FER1L6: variants seen among roughly 807,000 people sequenced by gnomAD.
FER1L6 encodes fer-1 like family member 6, also known as fer-1-like protein 6.
Under a neutral mutation model 219.2 loss-of-function variants are expected in FER1L6, and 177 were observed. The ratio of observed to expected loss-of-function variants is 0.81; its 90% confidence interval spans 0.71 to 0.91. The LOEUF (loss-of-function observed/expected upper bound fraction) is 0.91, where lower values mean the gene tolerates loss of function less well. Among genes scored for constraint, FER1L6 ranks in the 40% least tolerant of loss-of-function variants. The pLI, the probability that FER1L6 is intolerant of heterozygous loss-of-function variation, is 0.00. For missense variants in FER1L6, 2,153 were observed against 2,259.9 expected, an observed-to-expected ratio of 0.95 and a Z score of 0.96; for synonymous variants, 768 against 824.3, an observed-to-expected ratio of 0.93 and a Z score of 1.17.
chr8:123,859,984 A>ATTTTT (rs1309560397), intron 1 of FER1L6, among the ~76,000 whole-genome samples: 2 of 86,312 alleles, frequency 2.3e-5, no homozygotes, highest in African/African-American at 6.8e-5. Flanking sequence ...TATTATTATT[A>ATTTTT]TTTTTTTAAT....
At chr8:124,107,763 T>G (rs1227008073) in intron 39 of FER1L6, among the ~76,000 whole-genome samples, 2 of 152,212 alleles carry the variant, frequency 1.3e-5, no homozygotes, top group Non-Finnish European at 2.9e-5. Context: ...TCTGCTTTTG[T>G]GCTTCGGAGG....
Position 124,060,614 on chromosome 8 carries a change from C to G in FER1L6, c.3052C>G (p.Leu1018Val). Residue 1018 changes from leucine (L) to valine (V), a missense_variant, in exon 24 of 41, where the codon CTC becomes GTC. By Grantham distance (32) the Leu-to-Val change is conservative (BLOSUM62 1). Coordinates refer to ENST00000522917, the MANE Select transcript of FER1L6 (RefSeq NM_001039112.2). The part of the protein sequence containing the change: ...QLLSVDRPQA[L>V]IECGGQGVKS... ...CCTCTCTGTGGATCGGCCTCAGGCT[C>G]TCATTGAGTGCGGAGGACAAGGTGT... 1 of 1,614,088 alleles carries G rather than the reference C, an allele frequency of 6.2e-7. No individual in the cohort carries two copies. The highest frequency in any genetic ancestry group is 8.5e-7 in the Non-Finnish European group (1 of 1,180,004).
At chr8:124,044,778 TTCGGCTGTGTGAAA>T (rs1819653073) in intron 20 of FER1L6, among the ~76,000 whole-genome samples, 1 of 152,234 alleles carries the variant, frequency 6.6e-6, no homozygotes, top group South Asian at 2.1e-4. Context: ...AACTCCAGTC[TTCGGCTGTGTGAAA>T]TTGGCAGGTT....
intron 1 of FER1L6, among the ~76,000 whole-genome samples, chr8:123,934,087 T>C (rs2129941453): frequency 1.3e-5 from 2 of 152,262 alleles, no homozygotes; most frequent in Middle Eastern, 6.8e-3. Context: ...TCCACTCCAC[T>C]CAGGAAATTG....
At chr8:123,925,386 C>T (rs1813524289) in intron 1 of FER1L6, among the ~76,000 whole-genome samples, 2 of 152,208 alleles carry the variant, frequency 1.3e-5, no homozygotes, top group Non-Finnish European at 2.9e-5. Context: ...CAACATGACA[C>T]CTGTCTTTCA....
intron 1 of FER1L6, among the ~76,000 whole-genome samples, chr8:123,918,081 G>A (rs530952713): frequency 2.6e-5 from 4 of 152,240 alleles, no homozygotes; most frequent in South Asian, 2.1e-4. Flanking sequence ...AGGCCAAGGC[G>A]AGTGGATAGC....
intron 31 of FER1L6, 56 bp downstream of exon 31, chr8:124,071,687 A>C: frequency 1.3e-6 from 2 of 1,565,688 alleles, no homozygotes; most frequent in Non-Finnish European, 1.7e-6. Context: ...GGCTGCCATA[A>C]CAAAATATAT....
At chr8:123,947,860 G>T (rs932489147) in intron 1 of FER1L6, among the ~76,000 whole-genome samples, 3 of 152,162 alleles carry the variant, frequency 2.0e-5, no homozygotes, top group Admixed American at 6.6e-5. Flanking sequence ...AGTTGAGTTG[G>T]GCCTAGGAGA....
chr8:123,965,546 A>G (rs1815498812), intron 3 of FER1L6, among the ~76,000 whole-genome samples: 1 of 152,126 alleles, frequency 6.6e-6, no homozygotes. Flanking sequence ...TCCTTTACCA[A>G]TTATTTCAAA....
At chr8:123,965,884 A>G (rs1010473312) in intron 3 of FER1L6, 123 bp from the exon 4 acceptor site, 1 of 876,716 alleles carries the variant, frequency 1.1e-6, no homozygotes, top group Non-Finnish European at 1.8e-6. Flanking sequence ...TCTCCCCCAG[A>G]GATGTAGACA....
chr8:123,868,894 GC>G (rs1459470359), intron 1 of FER1L6, among the ~76,000 whole-genome samples: 1 of 152,130 alleles, frequency 6.6e-6, no homozygotes, highest in African/African-American at 2.4e-5. Flanking sequence ...AAAGAGCATA[GC>G]CCTGCAGAGA....
intron 22 of FER1L6, among the ~76,000 whole-genome samples, chr8:124,052,976 G>T (rs1820120037): frequency 6.6e-6 from 1 of 152,208 alleles, no homozygotes; most frequent in African/African-American, 2.4e-5. Context: ...ATGGTTGTGG[G>T]ATGTACAAGT....
At position 124,049,687 on chromosome 8, in the gene FER1L6, A is replaced by G. The variant is rs1348403658; in HGVS notation, c.2805A>G (p.Leu935=). The G allele has an allele frequency of 1.9e-6, 3 of 1,614,058 alleles. No homozygotes were observed. The South Asian group carries it at 3.3e-5, about 18-fold the overall frequency. ...LADQDYEPPR[L]CYHPIFCGNL... ...ACCAGGACTATGAGCCCCCCAGGTT[A>G]TGCTATCACCCCATCTTTTGTGGGA... The change falls in exon 22 of 41, where the codon TTA becomes TTG. Residue 935 remains leucine (L), a synonymous_variant. Transcript: ENST00000522917.
intron 15 of FER1L6, among the ~76,000 whole-genome samples, chr8:124,016,468 T>TA (rs61172324): frequency 7.9e-5 from 12 of 151,808 alleles, no homozygotes; most frequent in Non-Finnish European, 1.5e-4. Context: ...TGCTCATCAT[T>TA]AAAAAAAAAT....
chr8:123,948,246 G>A (rs985690582), intron 1 of FER1L6, among the ~76,000 whole-genome samples: 14 of 152,194 alleles, frequency 9.2e-5, no homozygotes, highest in African/African-American at 7.2e-5. Flanking sequence ...ATTTACTCAA[G>A]GTTGCATAAT....
intron 1 of FER1L6, among the ~76,000 whole-genome samples, chr8:123,855,507 T>C (rs1232002825): frequency 1.3e-5 from 2 of 151,420 alleles, no homozygotes; most frequent in Non-Finnish European, 2.9e-5. Flanking sequence ...GGCATTAGTA[T>C]GGAATGGGAA....
chr8:123,936,873 T>C (rs1021431009), intron 1 of FER1L6, among the ~76,000 whole-genome samples: 2 of 152,224 alleles, frequency 1.3e-5, no homozygotes, highest in African/African-American at 4.8e-5. Context: ...TTGGTTAAAA[T>C]GGTTATCCTC....
chr8:124,119,533 A>T, intron 40 of FER1L6, 74 bp from the exon 41 acceptor site: 2 of 990,738 alleles, frequency 2.0e-6, no homozygotes, highest in Non-Finnish European at 3.1e-6. Context: ...AGTCGGAAAC[A>T]CTTCCTGGGG....
At position 123,975,852 on chromosome 8, in the gene FER1L6, T is replaced by A. The variant is rs764786406; in HGVS notation, c.684-46T>A. ...ATTGCTCCTGTCTTTTCTCTCTGTT[T>A]CTTCAATTGAGAGAGCTTTTTCATT... On this transcript the variant is annotated intron_variant, in intron 8 of 40. Coordinates refer to ENST00000522917, the MANE Select transcript of FER1L6 (RefSeq NM_001039112.2). 1.3e-5 allele frequency: 19 copies of A among 1,454,186 alleles called. No homozygotes were observed. The African/African-American group carries it at 2.7e-4, about 21-fold the overall frequency. 90.1% of individuals were successfully genotyped at this position (1,454,186 alleles called of 1,614,324 possible).
Sources: gnomAD v4.1 joint callset for allele counts (sites outside exome capture counted in the v4.1 genomes callset) on GRCh38, gnomAD v4.1.1 for gene constraint, MANE v1.5 for transcripts, NCBI Gene and HGNC (gene_info 2026-07-23, HGNC 2026-07-21) for gene names.